CNTNAP2: variants seen among roughly 807,000 people sequenced by gnomAD.
The protein encoded by CNTNAP2 is contactin-associated protein-like 2.
A neutral mutation model predicts 155.2 loss-of-function variants in CNTNAP2; 98 were observed. That is an observed-to-expected ratio of 0.63 (90% CI 0.54 to 0.75). The LOEUF (loss-of-function observed/expected upper bound fraction) is 0.75, where lower values mean the gene tolerates loss of function less well. Ranked by LOEUF, CNTNAP2 falls within the 30% of genes least tolerant of loss-of-function variation. The pLI, the probability that CNTNAP2 is intolerant of heterozygous loss-of-function variation, is 0.00. For synonymous variants in CNTNAP2, 651 were observed against 631.2 expected, an observed-to-expected ratio of 1.03 and a Z score of -0.47; for missense variants, 1,727 against 1,688.1, an observed-to-expected ratio of 1.02 and a Z score of -0.40.
In CNTNAP2 at chr7:147,024,606, A is replaced by G. The variant is rs983094872; in HGVS notation, c.403-19301A>G. Among the ~76,000 whole-genome samples, 11 of 151,958 alleles carry G rather than the reference A, an allele frequency of 7.2e-5. No individual in the cohort carries two copies. In the East Asian group the frequency reaches 1.9e-3, roughly 27 times the overall value. On this transcript the variant is annotated intron_variant, in intron 3 of 23. Coordinates refer to ENST00000361727, the MANE Select transcript of CNTNAP2 (RefSeq NM_014141.6). ...GAAACTGTAATCATTGCACAATAAA[A>G]ATTTAATTTAAAAGATTATATGTCA...
rs143816566 is a variant in CNTNAP2, at chr7:147,949,196, G to A, written c.2256-28666G>A. ...GCCTGGGCAATAAGAGCGAAACTCC[G>A]TCTAAAAAAAAAGAAAAGAAAAAAG... On this transcript the variant is annotated intron_variant, in intron 14 of 23. Transcript: ENST00000361727. Among the ~76,000 whole-genome samples the A allele has an allele frequency of 8.3e-4, 125 of 150,514 alleles. 1 individual carries two copies. Among genetic ancestry groups the A allele is most frequent in the Middle Eastern group, 3.4e-3 (1 of 294 alleles).
chr7:147,922,493 C>T (rs185522425), intron 14 of CNTNAP2, among the ~76,000 whole-genome samples: 150 of 152,316 alleles, frequency 9.8e-4, no homozygotes, highest in African/African-American at 3.4e-3. Context: ...TCCAGGACTG[C>T]TCACTGTGTG....
intron 8 of CNTNAP2, among the ~76,000 whole-genome samples, chr7:147,161,448 C>T (rs904204381): frequency 6.6e-6 from 1 of 152,038 alleles, no homozygotes; most frequent in African/African-American, 2.4e-5. Context: ...TAACTATATA[C>T]TTGGAGCCAA....
At chr7:147,365,706 C>G (rs1022677229) in intron 9 of CNTNAP2, among the ~76,000 whole-genome samples, 2 of 151,956 alleles carry the variant, frequency 1.3e-5, no homozygotes, top group Admixed American at 6.6e-5. Context: ...AATATATATT[C>G]TAGATTTTTA....
chr7:146,200,033 C>A (rs145746905), intron 1 of CNTNAP2, among the ~76,000 whole-genome samples: 1 of 152,266 alleles, frequency 6.6e-6, no homozygotes, highest in Admixed American at 6.5e-5. Context: ...TTATGAGTGA[C>A]AGCTTCTGGT....
At position 146,789,399 on chromosome 7, in the gene CNTNAP2, A is replaced by T. The variant is rs1802632212; in HGVS notation, c.208+15018A>T. Among the ~76,000 whole-genome samples the T allele has an allele frequency of 2.6e-5, 4 of 152,300 alleles. No homozygotes were observed. The South Asian group carries it at 8.3e-4, about 32-fold the overall frequency. On this transcript the variant is annotated intron_variant, in intron 2 of 23. Transcript: ENST00000361727. ...AGAAGCGTATATTGAGTAGATTTTC[A>T]TTCAGAATGCCTTTGTGATTTCTTT...
At chr7:147,033,158 A>ATATG (rs1285437291) in intron 3 of CNTNAP2, among the ~76,000 whole-genome samples, 1 of 74,622 alleles carries the variant, frequency 1.3e-5, no homozygotes, top group African/African-American at 5.3e-5. Context: ...ATATATATAT[A>ATATG]TGTATATATA....
chr7:147,522,959 T>C (rs1020731244), intron 11 of CNTNAP2, among the ~76,000 whole-genome samples: 3 of 152,232 alleles, frequency 2.0e-5, no homozygotes, highest in African/African-American at 2.4e-5. Flanking sequence ...ATACTAGTTA[T>C]GTGTTACAGA....
intron 21 of CNTNAP2, among the ~76,000 whole-genome samples, chr7:148,272,353 C>T (rs1796796635): frequency 6.6e-6 from 1 of 152,138 alleles, no homozygotes; most frequent in Non-Finnish European, 1.5e-5. Flanking sequence ...TATCTTTCAG[C>T]AACAAATTTA....
Position 148,058,465 on chromosome 7 carries a change from G to A in CNTNAP2, c.2384-59653G>A, listed in dbSNP as rs369869967. Among the ~76,000 whole-genome samples, 10 of 152,258 alleles carry A rather than the reference G, an allele frequency of 6.6e-5. No individual in the cohort carries two copies. In the East Asian group the frequency reaches 1.7e-3, roughly 26 times the overall value. On this transcript the variant is annotated intron_variant, in intron 15 of 23. Coordinates refer to ENST00000361727, the MANE Select transcript of CNTNAP2 (RefSeq NM_014141.6). ...GTAGGAGATGAGGATGCAGCTTGGG[G>A]CAGCCAAACCTGGGGCATTTCAGAG... is the stretch of plus-strand genomic sequence containing the variant.
At chr7:147,305,972 C>T (rs1194736708) in intron 9 of CNTNAP2, among the ~76,000 whole-genome samples, 2 of 152,114 alleles carry the variant, frequency 1.3e-5, no homozygotes, top group Non-Finnish European at 2.9e-5. Flanking sequence ...ATAGTCTCCT[C>T]CCCTTTGTGT....
intron 1 of CNTNAP2, among the ~76,000 whole-genome samples, chr7:146,698,625 C>T (rs1347247838): frequency 6.6e-6 from 1 of 152,080 alleles, no homozygotes; most frequent in African/African-American, 2.4e-5. Flanking sequence ...GTTTGGCACT[C>T]TCTGAGTTTC....
intron 1 of CNTNAP2, among the ~76,000 whole-genome samples, chr7:146,402,371 T>A (rs1242158618): frequency 1.3e-5 from 2 of 152,134 alleles, no homozygotes; most frequent in Non-Finnish European, 2.9e-5. Context: ...ACAAAAGAGA[T>A]CAGAGACAAT....
At chr7:147,384,972 G>C (rs1457014823) in intron 9 of CNTNAP2, among the ~76,000 whole-genome samples, 1 of 152,152 alleles carries the variant, frequency 6.6e-6, no homozygotes, top group East Asian at 1.9e-4. Context: ...TGGACTTACA[G>C]TTCCACATGG....
intron 1 of CNTNAP2, among the ~76,000 whole-genome samples, chr7:146,672,651 A>G (rs1156233770): frequency 6.6e-6 from 1 of 152,210 alleles, no homozygotes; most frequent in East Asian, 1.9e-4. Flanking sequence ...ATTACACTCA[A>G]ATGGATTACA....
At chr7:147,207,039 A>G (rs1496541) in intron 8 of CNTNAP2, among the ~76,000 whole-genome samples, 78,411 of 151,936 alleles carry the variant, frequency 0.52, 20,885 homozygotes, top group South Asian at 0.7. Context: ...GAGTTAATAC[A>G]CCTGCCCACT....
intron 1 of CNTNAP2, among the ~76,000 whole-genome samples, chr7:146,335,309 A>T (rs751756390): frequency 1.9e-4 from 29 of 152,236 alleles, no homozygotes; most frequent in Non-Finnish European, 3.7e-4. Context: ...GAAAATGAAT[A>T]CATTTTATTA....
chr7:147,383,871 AAC>A (rs2116936311), intron 9 of CNTNAP2, among the ~76,000 whole-genome samples: 1 of 152,286 alleles, frequency 6.6e-6, no homozygotes, highest in Non-Finnish European at 1.5e-5. Context: ...CATACACACA[AAC>A]ACAGCCCCCC....
chr7:147,240,438 C>T (rs1803909760), intron 8 of CNTNAP2, among the ~76,000 whole-genome samples: 1 of 152,218 alleles, frequency 6.6e-6, no homozygotes, highest in African/African-American at 2.4e-5. Flanking sequence ...CACTACACAT[C>T]TACATAAAAC....
Sources: allele counts gnomAD v4.1 joint callset (sites outside exome capture counted in the v4.1 genomes callset), GRCh38; gene constraint gnomAD v4.1.1; transcripts MANE v1.5; gene names NCBI Gene and HGNC (gene_info 2026-07-23, HGNC 2026-07-21).